RIMS2: variants seen among roughly 807,000 people sequenced by gnomAD.
The protein encoded by RIMS2 is regulating synaptic membrane exocytosis 2.
A neutral mutation model predicts 174.4 loss-of-function variants in RIMS2; 59 were observed. The observed-to-expected ratio is 0.34, with a 90% CI of 0.27 to 0.42. The LOEUF is 0.42. RIMS2 is among the 10% of genes least tolerant of loss of function. The pLI is 1.00. For missense variants in RIMS2, 1,620 were observed against 1,666.3 expected (o/e 0.97, Z 0.48); for synonymous variants, 606 against 572.5 (o/e 1.06, Z -0.84).
chr8:103,526,518 A>G (rs1177861673), intron 1 of RIMS2, among the ~76,000 whole-genome samples: 1 of 152,232 alleles, frequency 6.6e-6, no homozygotes, highest in East Asian at 1.9e-4. Flanking sequence ...GATTCAAATA[A>G]TGGAGTTCTG....
chr8:103,985,473 C>CAAAAAAAAAA lies in RIMS2; in HGVS notation c.2928-3811_2928-3802dup, dbSNP rs58750334. The stretch of plus-strand genomic sequence containing the variant: ...TGGGCAACAAAGCAAGACTCTGTCT[C>CAAAAAAAAAA]AAAAAAAAAAAAAAAAAAAAAAAAA... On this transcript the variant is annotated intron_variant, in intron 16 of 23. Coordinates refer to ENST00000504942, the Ensembl canonical transcript of RIMS2. Among the ~76,000 whole-genome samples the CAAAAAAAAAA allele has an allele frequency of 3.3e-4, 12 of 36,162 alleles. 1 individual carries two copies. Among genetic ancestry groups the CAAAAAAAAAA allele is most frequent in the African/African-American group, 1.7e-3 (11 of 6,542 alleles). The allele number at this position is 36,162 out of a possible 152,430, so 23.7% of individuals were successfully genotyped here. A position where few individuals can be genotyped will look rare whatever the true frequency, so the allele number is the denominator to read the frequency against.
At chr8:103,797,164 G>A (rs980340374) in intron 3 of RIMS2, among the ~76,000 whole-genome samples, 2 of 152,024 alleles carry the variant, frequency 1.3e-5, no homozygotes, top group Non-Finnish European at 2.9e-5. Flanking sequence ...TTGGCATATC[G>A]GCCTAAATCT....
chr8:103,998,345 T>C (rs2095233020), intron 17 of RIMS2: 1 of 746,490 alleles, frequency 1.3e-6, no homozygotes, highest in African/African-American at 1.8e-5. Context: ...TTTATGTATA[T>C]ACATATATGG....
intron 12 of RIMS2, 124 bp downstream of exon 14, chr8:103,931,517 A>C: frequency 1.7e-6 from 1 of 588,622 alleles, no homozygotes; most frequent in Non-Finnish European, 2.7e-6. Context: ...GTTTAACATA[A>C]ACGTGATGTT....
chr8:103,927,292 C>T (rs1007769201), intron 10 of RIMS2, among the ~76,000 whole-genome samples: 1 of 151,472 alleles, frequency 6.6e-6, no homozygotes, highest in African/African-American at 2.4e-5. Context: ...TATTTCTGCA[C>T]ACTTTTATTT....
chr8:104,233,523 C>T (rs1397194164), intron 19 of RIMS2, among the ~76,000 whole-genome samples: 5 of 152,226 alleles, frequency 3.3e-5, no homozygotes, highest in Non-Finnish European at 7.4e-5. Flanking sequence ...CAGTAGAGTA[C>T]GTTTCTTAGT....
chr8:103,614,648 C>T (rs939720414), intron 1 of RIMS2, among the ~76,000 whole-genome samples: 1 of 152,190 alleles, frequency 6.6e-6, no homozygotes, highest in Non-Finnish European at 1.5e-5. Flanking sequence ...ATTCTCAAAT[C>T]GTGGTGAGTA....
At chr8:103,519,016 A>G (rs1259892294) in intron 1 of RIMS2, among the ~76,000 whole-genome samples, 1 of 152,066 alleles carries the variant, frequency 6.6e-6, no homozygotes, top group Non-Finnish European at 1.5e-5. Flanking sequence ...ACGGTCCTTC[A>G]CAGCCCCTCT....
At chr8:103,685,094 TTTTC>T (rs1330199850) in intron 1 of RIMS2, among the ~76,000 whole-genome samples, 5 of 147,206 alleles carry the variant, frequency 3.4e-5, no homozygotes, top group Non-Finnish European at 7.5e-5. Context: ...TACACATGGA[TTTTC>T]TTTTTCTTTT....
intron 1 of RIMS2, among the ~76,000 whole-genome samples, chr8:103,609,470 A>T (rs2095288430): frequency 7.8e-6 from 1 of 128,556 alleles, no homozygotes; most frequent in South Asian, 2.3e-4. Context: ...ACTATCTTCC[A>T]GAGTTTTATA....
At position 103,537,368 on chromosome 8, in the gene RIMS2, A is replaced by G. The variant is rs537786590; in HGVS notation, c.176+36306A>G. 3.4e-4 allele frequency among the ~76,000 whole-genome samples: 52 copies of G among 152,340 alleles called. No homozygotes were observed. In the South Asian group the frequency reaches 9.1e-3, roughly 27 times the overall value. ...AGAAAAATGTGATTTTTGGAATTGAAAACTTAGAATAGTTCAAAATGTATC... is the reference window on the plus strand; with the variant it reads ...AGAAAAATGTGATTTTTGGAATTGAGAACTTAGAATAGTTCAAAATGTATC... On this transcript the variant is annotated intron_variant, in intron 1 of 23. Transcript: ENST00000504942.
At chr8:103,611,995 G>A (rs1457208631) in intron 1 of RIMS2, among the ~76,000 whole-genome samples, 1 of 150,446 alleles carries the variant, frequency 6.6e-6, no homozygotes, top group Non-Finnish European at 1.5e-5. Flanking sequence ...TCTTCTCTGA[G>A]CATGTATTTT....
intron 1 of RIMS2, among the ~76,000 whole-genome samples, chr8:103,656,863 G>A (rs186495502): frequency 1.3e-5 from 2 of 152,126 alleles, no homozygotes; most frequent in African/African-American, 2.4e-5. Context: ...AACTTCTTGC[G>A]GTCCTAGCCT....
At chr8:104,071,426 C>T (rs1410615274) in intron 19 of RIMS2, among the ~76,000 whole-genome samples, 2 of 151,816 alleles carry the variant, frequency 1.3e-5, no homozygotes, top group Non-Finnish European at 2.9e-5. Context: ...GAGTTGGGGT[C>T]CCTGTGGTGT....
chr8:104,098,762 C>T (rs1156705024), intron 19 of RIMS2, among the ~76,000 whole-genome samples: 1 of 152,098 alleles, frequency 6.6e-6, no homozygotes, highest in African/African-American at 2.4e-5. Flanking sequence ...GTTAATGAAA[C>T]ATTTATTCAA....
chr8:103,577,623 A>C (rs546488957), intron 1 of RIMS2, among the ~76,000 whole-genome samples: 2 of 152,360 alleles, frequency 1.3e-5, no homozygotes, highest in Admixed American at 1.3e-4. Context: ...TAAAAAATTT[A>C]AAGTATTAAT....
At chr8:104,172,133 T>C (rs922992070) in intron 19 of RIMS2, among the ~76,000 whole-genome samples, 3 of 152,250 alleles carry the variant, frequency 2.0e-5, no homozygotes, top group Non-Finnish European at 2.9e-5. Context: ...TTCAGGCCAA[T>C]AGGGGAGATA....
intron 2 of RIMS2, among the ~76,000 whole-genome samples, chr8:103,734,014 CTTTTTTTTTT>C (rs59348302): frequency 0.18 from 15,393 of 86,266 alleles, 1,280 homozygotes; most frequent in Non-Finnish European, 0.22. Context: ...CTAAAAGCTT[CTTTTTTTTTT>C]TTTTTTTTTT....
intron 1 of RIMS2, among the ~76,000 whole-genome samples, chr8:103,547,160 G>T (rs1845503638): frequency 6.6e-6 from 1 of 152,174 alleles, no homozygotes; most frequent in Admixed American, 6.5e-5. Flanking sequence ...TGAATGGAAA[G>T]AGGTTTCCCT....
Sources: allele counts gnomAD v4.1 joint callset (sites outside exome capture counted in the v4.1 genomes callset), GRCh38; gene constraint gnomAD v4.1.1; transcripts MANE v1.5; gene names NCBI Gene and HGNC (gene_info 2026-07-23, HGNC 2026-07-21).